Variants in POU5F1B observed in about 807,000 individuals in gnomAD.
POU5F1B encodes POU domain, class 5, transcription factor 1B.
POU5F1B carries 24 observed loss-of-function variants against 28.1 expected under a neutral mutation model. That is an observed-to-expected ratio of 0.85 (90% CI 0.62 to 1.20). The LOEUF (loss-of-function observed/expected upper bound fraction) is 1.20. POU5F1B is among the 50% of genes most tolerant of loss of function. POU5F1B has a pLI of 0.00. For synonymous variants in POU5F1B, 220 were observed against 193.2 expected, an observed-to-expected ratio of 1.14 and a Z score of -1.15; for missense variants, 451 against 451.5, an observed-to-expected ratio of 1.00 and a Z score of 0.01.
chr8:127,414,283 A>G (rs1331988191), intron 1 of POU5F1B, among the ~76,000 whole-genome samples: 1 of 152,228 alleles, frequency 6.6e-6, no homozygotes, highest in Non-Finnish European at 1.5e-5. Flanking sequence ...AGATGGCCCC[A>G]TGGAGAAACT....
At chr8:127,416,202 G>C in exon 3 of POU5F1B, 1 of 1,613,822 alleles carries the variant, frequency 6.2e-7, no homozygotes, top group Non-Finnish European at 8.5e-7. Context: ...GGGCCTCCCC[G>C]GAACCCTGCA....
chr8:127,416,660 A>G, exon 3 of POU5F1B: 1 of 1,604,192 alleles, frequency 6.2e-7, no homozygotes, highest in Non-Finnish European at 8.5e-7. Context: ...ATCGCCCAGC[A>G]GCTTGGGCTC....
chr8:127,416,215 G>A (rs190778660), exon 3 of POU5F1B: 5 of 1,613,846 alleles, frequency 3.1e-6, no homozygotes, highest in East Asian at 2.2e-5. Flanking sequence ...ACCCTGCACC[G>A]TCCCCCCTGG....
chr8:127,415,855 C>T lies in POU5F1B; in HGVS notation c.-12C>T. On this transcript the variant is annotated 5_prime_UTR_variant, in exon 3 of 3. Coordinates refer to ENST00000465342, the Ensembl canonical transcript of POU5F1B. Reference sequence around the variant, plus strand: ...TTCACCAGGCCCCCGGCTTGGGGCGCCTTCCTTCCCCATGGCGGGACACCT... The same window carrying T: ...TTCACCAGGCCCCCGGCTTGGGGCGTCTTCCTTCCCCATGGCGGGACACCT... 4.0e-6 allele frequency: 6 copies of T among 1,511,558 alleles called. No homozygotes were observed. Among genetic ancestry groups the T allele is most frequent in the Non-Finnish European group, 5.3e-6 (6 of 1,130,452 alleles). The allele number at this position is 1,511,558 out of a possible 1,614,324, so 93.6% of individuals were successfully genotyped here. A position where few individuals can be genotyped will look rare whatever the true frequency, so the allele number is the denominator to read the frequency against.
rs780707684 is a variant in POU5F1B at position 127,416,950 on chromosome 8, G to T, written c.*4G>T. 5.1e-5 allele frequency: 81 copies of T among 1,599,308 alleles called. No individual in the cohort carries two copies. Among genetic ancestry groups the T allele is most frequent in the Non-Finnish European group, 6.8e-5 (80 of 1,172,396 alleles). On this transcript the variant is annotated 3_prime_UTR_variant, in exon 3 of 3. Coordinates refer to ENST00000465342, the Ensembl canonical transcript of POU5F1B. The stretch of plus-strand genomic sequence containing the variant: ...CTCTCCCATGCATTCAAACTGAGGT[G>T]CCTGCCCTTCTAGGAATGGGGAACA...
chr8:127,416,432 C>T, exon 3 of POU5F1B: 7 of 1,608,450 alleles, frequency 4.4e-6, no homozygotes, highest in Admixed American at 1.7e-5. Context: ...CGCTTTGAGG[C>T]TCTGCAGCTT....
exon 3 of POU5F1B, chr8:127,415,481 C>A (rs1487201165): frequency 5.2e-6 from 1 of 192,130 alleles, no homozygotes; most frequent in Non-Finnish European, 1.1e-5. Flanking sequence ...CATTCCATAG[C>A]ACAGAACACA....
Position 127,416,378 on chromosome 8 carries a change from T to TG in POU5F1B, c.517dup (p.Val173GlyfsTer16). 6.2e-7 allele frequency: 1 copy of TG among 1,609,912 alleles called. No homozygotes were observed. The highest frequency in any genetic ancestry group is 1.7e-4 in the Middle Eastern group (1 of 6,056). On this transcript the variant is annotated frameshift_variant, in exon 3 of 3. Transcript: ENST00000465342. LOFTEE classifies it high-confidence loss of function. ...ACACAGGCCGATGTGGGGCTCATCC[T>TG]GGGGGTTCTATTTGGGAAGGTGTTC...
chr8:127,416,423 G>T, exon 3 of POU5F1B: 3 of 1,608,032 alleles, frequency 1.9e-6, no homozygotes, highest in South Asian at 1.1e-5. Flanking sequence ...ACCATCTGCC[G>T]CTTTGAGGCT....
exon 3 of POU5F1B, chr8:127,416,016 G>A (rs1174754924): frequency 1.2e-6 from 2 of 1,600,522 alleles, no homozygotes; most frequent in Non-Finnish European, 1.7e-6. Context: ...TCGGGCCGGG[G>A]GTTGGGCCAG....
At chr8:127,415,228 C>T (rs1020280360) in intron 2 of POU5F1B, among the ~76,000 whole-genome samples, 11 of 152,192 alleles carry the variant, frequency 7.2e-5, no homozygotes, top group African/African-American at 2.2e-4. Flanking sequence ...TGATCTATTA[C>T]ACAATGATAA....
chr8:127,413,969 CAAT>C (rs1815096475), intron 1 of POU5F1B, among the ~76,000 whole-genome samples: 2 of 151,972 alleles, frequency 1.3e-5, no homozygotes, highest in African/African-American at 4.8e-5. Flanking sequence ...AAATGATAAA[CAAT>C]AAATAATAGC....
At chr8:127,415,940 C>A in exon 3 of POU5F1B, 1 of 1,560,400 alleles carries the variant, frequency 6.4e-7, no homozygotes, top group Non-Finnish European at 8.7e-7. Context: ...CCATGGGGGG[C>A]GGAGCCGGGC....
chr8:127,415,974 A>G, exon 3 of POU5F1B: 1 of 1,580,554 alleles, frequency 6.3e-7, no homozygotes, highest in Non-Finnish European at 8.6e-7. Flanking sequence ...TGACCTGGCT[A>G]AGCTTCCAAG....
At chr8:127,415,538 C>T in exon 3 of POU5F1B, 1 of 293,772 alleles carries the variant, frequency 3.4e-6, no homozygotes, top group Non-Finnish European at 6.3e-6. Context: ...ATGGCAGAAG[C>T]AGAATGGACT....
exon 3 of POU5F1B, chr8:127,416,003 G>T: frequency 6.3e-7 from 1 of 1,594,842 alleles, no homozygotes; most frequent in Non-Finnish European, 8.5e-7. Flanking sequence ...GGAGGGCCAG[G>T]AATCGGGCCG....
chr8:127,413,509 C>T (rs1324179400), intron 1 of POU5F1B, among the ~76,000 whole-genome samples: 4 of 152,166 alleles, frequency 2.6e-5, no homozygotes, highest in Non-Finnish European at 5.9e-5. Context: ...ATTATTATTG[C>T]ACTAAACTAA....
At chr8:127,416,569 A>G in exon 3 of POU5F1B, 2 of 1,605,902 alleles carry the variant, frequency 1.2e-6, no homozygotes, top group Non-Finnish European at 1.7e-6. Flanking sequence ...GAGAAAGCGA[A>G]CCAGTATCGA....
exon 3 of POU5F1B, chr8:127,416,668 C>T: frequency 6.2e-7 from 1 of 1,604,698 alleles, no homozygotes. Context: ...GCAGCTTGGG[C>T]TCGAGAAGGA....
Sources: allele counts gnomAD v4.1 joint callset (sites outside exome capture counted in the v4.1 genomes callset), GRCh38; gene constraint gnomAD v4.1.1; transcripts MANE v1.5; gene names NCBI Gene and HGNC (gene_info 2026-07-23, HGNC 2026-07-21).